The following CNTN6 variants were observed in gnomAD, a reference collection of about 807,000 sequenced individuals.
CNTN6 encodes contactin-6.
In CNTN6, 137 loss-of-function variants were observed where a neutral mutation model predicts 122.8. The observed-to-expected ratio is 1.12, with a 90% CI of 0.97 to 1.29. CNTN6 has a LOEUF of 1.29. Among genes scored for constraint, CNTN6 ranks in the 50% most tolerant of loss-of-function variants. CNTN6 has a pLI of 0.00. For missense variants in CNTN6, 1,634 were observed against 1,223.4 expected (o/e 1.34, Z -5.01); for synonymous variants, 570 against 426.0 (o/e 1.34, Z -4.16).
intron 4 of CNTN6, among the ~76,000 whole-genome samples, chr3:1,278,029 G>C (rs1692732386): frequency 6.6e-6 from 1 of 152,132 alleles, no homozygotes; most frequent in Admixed American, 6.6e-5. Flanking sequence ...CTTTAAAATG[G>C]CAACCATTAA....
intron 2 of CNTN6, among the ~76,000 whole-genome samples, chr3:1,203,886 C>G (rs117370301): frequency 6.6e-6 from 1 of 152,100 alleles, no homozygotes; most frequent in Admixed American, 6.6e-5. Context: ...AGATATGTTT[C>G]GATACACAAA....
intron 12 of CNTN6, among the ~76,000 whole-genome samples, chr3:1,359,570 T>G (rs1356847607): frequency 6.6e-6 from 1 of 152,124 alleles, no homozygotes; most frequent in Admixed American, 6.6e-5. Context: ...GATTACTTTA[T>G]GCATTGAAAT....
intron 1 of CNTN6, among the ~76,000 whole-genome samples, chr3:1,137,320 G>A (rs747007780): frequency 2.2e-4 from 34 of 152,190 alleles, no homozygotes; most frequent in Non-Finnish European, 3.1e-4. Flanking sequence ...TACTTTTACC[G>A]CATGGAAATA....
intron 1 of CNTN6, among the ~76,000 whole-genome samples, chr3:1,118,971 A>G (rs1317779391): frequency 6.6e-6 from 1 of 152,130 alleles, no homozygotes; most frequent in Admixed American, 6.6e-5. Flanking sequence ...GAGAACGGTG[A>G]GTGGCTAGCT....
At chr3:1,250,575 A>G (rs906102702) in intron 4 of CNTN6, among the ~76,000 whole-genome samples, 1 of 152,172 alleles carries the variant, frequency 6.6e-6, no homozygotes, top group Non-Finnish European at 1.5e-5. Flanking sequence ...TCCTGTGTAC[A>G]TAAGGCAGCA....
intron 2 of CNTN6, among the ~76,000 whole-genome samples, chr3:1,209,456 C>G (rs1178093500): frequency 1.3e-5 from 2 of 152,132 alleles, no homozygotes; most frequent in African/African-American, 4.8e-5. Context: ...ACTGAGTGTC[C>G]AGTCCTTAGA....
chr3:1,308,287 TTGTGTGTGTG>T (rs113198519), intron 7 of CNTN6, among the ~76,000 whole-genome samples: 6 of 144,914 alleles, frequency 4.1e-5, no homozygotes, highest in Admixed American at 7.0e-5. Flanking sequence ...ATGGGGTGTT[TTGTGTGTGTG>T]TGTGTGTGTG....
chr3:1,309,897 G>A (rs1026547399), intron 7 of CNTN6, among the ~76,000 whole-genome samples: 5 of 152,082 alleles, frequency 3.3e-5, no homozygotes, highest in Admixed American at 2.0e-4. Flanking sequence ...AATATAAATG[G>A]CATTGTATGT....
intron 4 of CNTN6, among the ~76,000 whole-genome samples, chr3:1,253,902 A>G (rs559696533): frequency 3.9e-5 from 6 of 152,272 alleles, no homozygotes; most frequent in African/African-American, 1.2e-4. Flanking sequence ...TTTATCCAAA[A>G]CAACCATAAG....
At chr3:1,356,582 G>A (rs1706593457) in intron 12 of CNTN6, among the ~76,000 whole-genome samples, 1 of 151,734 alleles carries the variant, frequency 6.6e-6, no homozygotes, top group Non-Finnish European at 1.5e-5. Flanking sequence ...GACAAGCCCA[G>A]TTTGATTGAG....
chr3:1,304,358 G>A (rs1466059432), intron 7 of CNTN6, among the ~76,000 whole-genome samples: 3 of 151,966 alleles, frequency 2.0e-5, no homozygotes, highest in Admixed American at 2.0e-4. Context: ...ATACAGTGAG[G>A]CTTAGATAAA....
intron 2 of CNTN6, among the ~76,000 whole-genome samples, chr3:1,183,747 C>A (rs574765154): frequency 3.3e-5 from 5 of 150,364 alleles, no homozygotes; most frequent in South Asian, 4.2e-4. Context: ...ATAGTGGCTT[C>A]AAAAAAAAAC....
chr3:1,343,782 C>A (rs938781288), intron 11 of CNTN6, among the ~76,000 whole-genome samples: 5 of 151,986 alleles, frequency 3.3e-5, no homozygotes, highest in African/African-American at 1.2e-4. Flanking sequence ...CTACTCATAT[C>A]CCCATTCTAT....
chr3:1,210,081 A>C (rs187655024), intron 2 of CNTN6, among the ~76,000 whole-genome samples: 27 of 152,180 alleles, frequency 1.8e-4, no homozygotes, highest in Non-Finnish European at 3.2e-4. Flanking sequence ...TCTTTCTCCT[A>C]TGAAGTAAGT....
At chr3:1,302,964 C>G (rs471634) in intron 7 of CNTN6, among the ~76,000 whole-genome samples, 3 of 151,636 alleles carry the variant, frequency 2.0e-5, no homozygotes, top group Non-Finnish European at 4.4e-5. Flanking sequence ...ATCTTTGCAT[C>G]TCAGTTTGGG....
chr3:1,121,448 T>C (rs2091946983), intron 1 of CNTN6, among the ~76,000 whole-genome samples: 1 of 151,896 alleles, frequency 6.6e-6, no homozygotes, highest in African/African-American at 2.4e-5. Flanking sequence ...AATTTTGATT[T>C]GTATTTATTT....
chr3:1,140,070 A>G (rs1054577979), intron 1 of CNTN6, among the ~76,000 whole-genome samples: 1 of 152,176 alleles, frequency 6.6e-6, no homozygotes, highest in African/African-American at 2.4e-5. Flanking sequence ...TATTACAACT[A>G]TGCCAAGTTG....
chr3:1,147,881 T>C, intron 1 of CNTN6, 46 bp from the exon 2 acceptor site: 1 of 609,260 alleles, frequency 1.6e-6, no homozygotes, highest in East Asian at 2.6e-5. Context: ...ATTAAAATAT[T>C]CGTGTTTGTA....
chr3:1,360,948 A>G (rs948175659), intron 12 of CNTN6, among the ~76,000 whole-genome samples: 1 of 151,996 alleles, frequency 6.6e-6, no homozygotes, highest in Admixed American at 6.6e-5. Flanking sequence ...TAAACCCCAT[A>G]TTCAATTGCC....
Sources: allele counts gnomAD v4.1 joint callset (sites outside exome capture counted in the v4.1 genomes callset), GRCh38; gene constraint gnomAD v4.1.1; transcripts MANE v1.5; gene names NCBI Gene and HGNC (gene_info 2026-07-23, HGNC 2026-07-21).